The following MYRIP variants were observed in gnomAD, a reference collection of about 807,000 sequenced individuals.
MYRIP encodes rab effector MyRIP.
Under a neutral mutation model 98.0 loss-of-function variants are expected in MYRIP, and 49 were observed. The ratio of observed to expected loss-of-function variants is 0.50; its 90% CI spans 0.40 to 0.63. The LOEUF (loss-of-function observed/expected upper bound fraction) is 0.63. Ranked by LOEUF, MYRIP falls within the 30% of genes least tolerant of loss-of-function variation. The pLI is 0.00. For missense variants in MYRIP, 1,004 were observed against 1,058.2 expected (o/e 0.95, Z 0.71); for synonymous variants, 404 against 409.5 (o/e 0.99, Z 0.16).
intron 3 of MYRIP, among the ~76,000 whole-genome samples, chr3:40,149,422 T>G (rs1366230367): frequency 6.6e-6 from 1 of 152,194 alleles, no homozygotes; most frequent in Non-Finnish European, 1.5e-5. Flanking sequence ...GGATCACATT[T>G]TAACATGAGA....
chr3:40,043,712 CATTA>C (rs996209336), intron 2 of MYRIP, among the ~76,000 whole-genome samples: 4 of 152,090 alleles, frequency 2.6e-5, no homozygotes, highest in East Asian at 3.8e-4. Flanking sequence ...TTTAAAAAGG[CATTA>C]ATTAAGTTAA....
chr3:40,031,542 G>A (rs1286552871), intron 2 of MYRIP, among the ~76,000 whole-genome samples: 1 of 152,112 alleles, frequency 6.6e-6, no homozygotes, highest in Non-Finnish European at 1.5e-5. Context: ...TTAGAGTTTG[G>A]TCTTGAAGGG....
At chr3:39,966,449 C>G (rs558831111) in intron 2 of MYRIP, among the ~76,000 whole-genome samples, 3 of 152,146 alleles carry the variant, frequency 2.0e-5, no homozygotes, top group Admixed American at 6.6e-5. Context: ...ATTATATATC[C>G]TCAGAGCATG....
chr3:39,844,381 T>C (rs755817057), intron 1 of MYRIP, among the ~76,000 whole-genome samples: 18 of 152,210 alleles, frequency 1.2e-4, no homozygotes, highest in Non-Finnish European at 2.1e-4. Context: ...TTGGTGTCAA[T>C]TATATCTCAC....
rs548945977 is a variant in MYRIP, at chr3:40,194,664, A to G, written c.1665+4201A>G. 2.8e-3 allele frequency among the ~76,000 whole-genome samples: 424 copies of G among 152,288 alleles called. 3 individuals are homozygous for G. The highest frequency in any genetic ancestry group is 3.8e-3 in the Non-Finnish European group (260 of 68,008). ...AAATGTATGTATCTACTTCAGAATAATTGATATCTCTGTAATATTAAGCCT... is the reference window on the plus strand; with the variant it reads ...AAATGTATGTATCTACTTCAGAATAGTTGATATCTCTGTAATATTAAGCCT... On this transcript the variant is annotated intron_variant, in intron 10 of 16. Transcript: ENST00000302541.
rs181771250 is a variant in MYRIP at position 39,942,334 on chromosome 3, T to C, written c.110+41408T>C. The stretch of plus-strand genomic sequence containing the variant: ...AAACTCTTGGGACTTTGTGCCAAAA[T>C]AAAAATGTTGTATGAACCTTGCTGC... On this transcript the variant is annotated intron_variant, in intron 2 of 16. Coordinates refer to ENST00000302541, the MANE Select transcript of MYRIP (RefSeq NM_015460.4). Among the ~76,000 whole-genome samples, 29 of 152,096 alleles carry C rather than the reference T, an allele frequency of 1.9e-4. 1 individual carries two copies. Among genetic ancestry groups the C allele is most frequent in the Admixed American group, 6.6e-4 (10 of 15,254 alleles).
chr3:39,891,533 A>G (rs1943488277), intron 1 of MYRIP, among the ~76,000 whole-genome samples: 1 of 152,162 alleles, frequency 6.6e-6, no homozygotes, highest in Non-Finnish European at 1.5e-5. Flanking sequence ...CATTGATTAC[A>G]CATTCCTTTA....
At chr3:39,947,855 C>T (rs771406447) in intron 2 of MYRIP, among the ~76,000 whole-genome samples, 1 of 152,142 alleles carries the variant, frequency 6.6e-6, no homozygotes, top group African/African-American at 2.4e-5. Flanking sequence ...TTAGCAAGAT[C>T]GCCAGGTGAT....
At chr3:40,022,081 T>C (rs1947012014) in intron 2 of MYRIP, among the ~76,000 whole-genome samples, 1 of 152,202 alleles carries the variant, frequency 6.6e-6, no homozygotes, top group South Asian at 2.1e-4. Flanking sequence ...AATTAATTGT[T>C]AGGAAGTTTT....
Position 39,839,943 on chromosome 3 carries a change from T to TAA in MYRIP, c.-31+30027_-31+30028insAA, listed in dbSNP as rs921406178. On this transcript the variant is annotated intron_variant, in intron 1 of 16. Coordinates refer to ENST00000302541, the MANE Select transcript of MYRIP (RefSeq NM_015460.4). ...TATGTGGTACTGAGAAAAATATATA[T>TAA]TCTGTTGATTTGGGGTGGAGAGTTC... Among the ~76,000 whole-genome samples, 25 of 152,302 alleles carry TAA rather than the reference T, an allele frequency of 1.6e-4. 1 individual carries two copies. The Middle Eastern group carries it at 0.017, about 104-fold the overall frequency.
At chr3:40,157,961 T>G (rs376807116) in intron 4 of MYRIP, among the ~76,000 whole-genome samples, 24 of 152,122 alleles carry the variant, frequency 1.6e-4, no homozygotes, top group African/African-American at 3.4e-4. Flanking sequence ...TGGATTCATT[T>G]ATTTTTTGAA....
At chr3:39,862,460 T>G (rs1294786316) in intron 1 of MYRIP, among the ~76,000 whole-genome samples, 1 of 151,872 alleles carries the variant, frequency 6.6e-6, no homozygotes, top group Non-Finnish European at 1.5e-5. Flanking sequence ...AACAACAGGA[T>G]GACATAATCA....
At chr3:40,152,374 G>C (rs1950140973) in intron 4 of MYRIP, among the ~76,000 whole-genome samples, 1 of 152,092 alleles carries the variant, frequency 6.6e-6, no homozygotes, top group African/African-American at 2.4e-5. Context: ...ACCAAATTCA[G>C]ATCTCGTAGG....
At chr3:39,979,312 T>C (rs562763993) in intron 2 of MYRIP, among the ~76,000 whole-genome samples, 1 of 152,212 alleles carries the variant, frequency 6.6e-6, no homozygotes, top group African/African-American at 2.4e-5. Context: ...AATGAGTTTG[T>C]CCCTCTTAGG....
chr3:39,870,236 T>A (rs900474357), intron 1 of MYRIP, among the ~76,000 whole-genome samples: 1 of 152,148 alleles, frequency 6.6e-6, no homozygotes, highest in African/African-American at 2.4e-5. Flanking sequence ...CTAGACATCC[T>A]TACCCTGCCC....
chr3:40,093,711 C>A (rs1948771933), intron 3 of MYRIP, among the ~76,000 whole-genome samples: 1 of 152,198 alleles, frequency 6.6e-6, no homozygotes, highest in African/African-American at 2.4e-5. Context: ...TGAGAGGCAC[C>A]AAGCTGGTCA....
chr3:39,834,296 A>T (rs1941556149), intron 1 of MYRIP, among the ~76,000 whole-genome samples: 1 of 152,256 alleles, frequency 6.6e-6, no homozygotes, highest in African/African-American at 2.4e-5. Context: ...TTTCAAAAAT[A>T]GGCTATTTGT....
intron 10 of MYRIP, among the ~76,000 whole-genome samples, chr3:40,190,891 A>G (rs779151183): frequency 6.6e-6 from 1 of 152,192 alleles, no homozygotes. Context: ...GTTCAGATCC[A>G]ACTGTGTGGC....
chr3:39,916,285 A>C (rs1410856015), intron 2 of MYRIP, among the ~76,000 whole-genome samples: 3 of 152,040 alleles, frequency 2.0e-5, no homozygotes, highest in African/African-American at 7.2e-5. Flanking sequence ...AGACAGTAAC[A>C]CTGTCTCAAC....
Sources: gnomAD v4.1 joint callset for allele counts (sites outside exome capture counted in the v4.1 genomes callset) on GRCh38, gnomAD v4.1.1 for gene constraint, MANE v1.5 for transcripts, NCBI Gene and HGNC (gene_info 2026-07-23, HGNC 2026-07-21) for gene names.